The following PCDHA4 variants were observed in gnomAD, a reference collection of about 807,000 sequenced individuals.
PCDHA4 encodes the protein protocadherin alpha-4.
In PCDHA4, 49 loss-of-function variants were observed where a neutral mutation model predicts 61.4. The observed-to-expected ratio is 0.80, with a 90% CI of 0.63 to 1.01. PCDHA4 has a LOEUF of 1.01. Among genes scored for constraint, PCDHA4 ranks in the 50% least tolerant of loss-of-function variants. The probability of loss-of-function intolerance (pLI) is 0.00; values close to 1 mark genes in which losing one functional copy is unlikely to be tolerated. For missense variants in PCDHA4, 1,254 were observed against 1,235.8 expected, an observed-to-expected ratio of 1.01 and a Z score of -0.22; for synonymous variants, 590 against 550.3, an observed-to-expected ratio of 1.07 and a Z score of -1.01.
Position 140,850,049 on chromosome 5 carries a change from C to T in PCDHA4, c.2385+40477C>T, listed in dbSNP as rs1354549642. 22 of 1,596,350 alleles carry T rather than the reference C, an allele frequency of 1.4e-5. 2 individuals carry two copies. Among genetic ancestry groups the T allele is most frequent in the Non-Finnish European group, 1.9e-5 (22 of 1,167,808 alleles). Reference sequence around the variant, plus strand: ...TGCACGCGGAGAGCGGCAAGGTGTACGCGCTGCAGCCGTTGGACCACGAGG... The same window carrying T: ...TGCACGCGGAGAGCGGCAAGGTGTATGCGCTGCAGCCGTTGGACCACGAGG... On this transcript the variant is annotated intron_variant, in intron 1 of 3. Coordinates refer to ENST00000530339, the MANE Select transcript of PCDHA4 (RefSeq NM_018907.4).
chr5:140,902,207 T>C (rs949937318), intron 1 of PCDHA4, among the ~76,000 whole-genome samples: 8 of 148,564 alleles, frequency 5.4e-5, no homozygotes, highest in South Asian at 4.3e-4. Flanking sequence ...CTCTTTCTTT[T>C]TTTTTTTTTT....
At chr5:140,822,521 G>T (rs2150116984) in intron 1 of PCDHA4, 1 of 1,613,938 alleles carries the variant, frequency 6.2e-7, no homozygotes, top group Admixed American at 1.7e-5. Flanking sequence ...TATAATGTCA[G>T]ATTGTTGGAA....
chr5:140,966,341 G>T, intron 1 of PCDHA4: 1 of 396,732 alleles, frequency 2.5e-6, no homozygotes, highest in Non-Finnish European at 4.4e-6. Context: ...CAGGTCCAGG[G>T]TGAAGGAGAT....
chr5:140,989,373 C>G (rs1189877807), intron 3 of PCDHA4, among the ~76,000 whole-genome samples: 1 of 152,088 alleles, frequency 6.6e-6, no homozygotes, highest in Non-Finnish European at 1.5e-5. Flanking sequence ...TGACTGAGAG[C>G]TTTGTGGGAA....
intron 3 of PCDHA4, among the ~76,000 whole-genome samples, chr5:140,989,348 G>A (rs1455202093): frequency 6.6e-6 from 1 of 152,196 alleles, no homozygotes; most frequent in African/African-American, 2.4e-5. Context: ...GCTCAAAGGT[G>A]ATAGGTCACC....
chr5:140,966,970 G>C, intron 1 of PCDHA4: 1 of 1,602,870 alleles, frequency 6.2e-7, no homozygotes, highest in Non-Finnish European at 8.5e-7. Flanking sequence ...TGGGGCTTGA[G>C]CTGCGGCGCT....
intron 3 of PCDHA4, among the ~76,000 whole-genome samples, chr5:140,989,525 GAGGA>G (rs2097345403): frequency 6.6e-6 from 1 of 152,218 alleles, no homozygotes; most frequent in African/African-American, 2.4e-5. Flanking sequence ...GAGGGCAGAG[GAGGA>G]AGATAGTTTG....
At chr5:140,938,699 A>G (rs1418739484) in intron 1 of PCDHA4, among the ~76,000 whole-genome samples, 4 of 152,128 alleles carry the variant, frequency 2.6e-5, no homozygotes, top group African/African-American at 4.8e-5. Context: ...TTTTAAATAT[A>G]TGTTTATGAT....
At chr5:140,890,237 A>G (rs1554184228) in intron 1 of PCDHA4, among the ~76,000 whole-genome samples, 1 of 152,154 alleles carries the variant, frequency 6.6e-6, no homozygotes, top group East Asian at 1.9e-4. Flanking sequence ...TTAAGCATTT[A>G]CCAGTACACT....
In PCDHA4 at chr5:140,886,016, A is replaced by G. The variant is rs192748955; in HGVS notation, c.2385+76444A>G. Among the ~76,000 whole-genome samples the G allele has an allele frequency of 3.1e-3, 468 of 152,290 alleles. 3 individuals are homozygous for G. Among genetic ancestry groups the G allele is most frequent in the Middle Eastern group, 0.014 (4 of 294 alleles). On this transcript the variant is annotated intron_variant, in intron 1 of 3. Transcript: ENST00000530339. ...GAAAGAAATAGTAAAGGGAGATGCTATGTATTCTTCACTAAGTTTTCCCCA... is the reference window on the plus strand; with the variant it reads ...GAAAGAAATAGTAAAGGGAGATGCTGTGTATTCTTCACTAAGTTTTCCCCA...
In PCDHA4 at chr5:140,808,666, G is replaced by T. The variant is rs1409073063; in HGVS notation, c.1479G>T (p.Ser493=). 1.9e-6 allele frequency: 3 copies of T among 1,612,844 alleles called. No homozygotes were observed. Among genetic ancestry groups the T allele is most frequent in the African/African-American group, 1.3e-5 (1 of 74,920 alleles). Residue 493 remains serine, a synonymous_variant, in exon 1 of 4, where the codon TCG becomes TCT. Transcript: ENST00000530339. The stretch of plus-strand genomic sequence containing the variant: ...AGGAGAACGCGCTGGTGTCCTACTC[G>T]CTGGTAGAGCGGCGGGTAGGGGAGC... The part of the protein sequence containing the change: ...DAQENALVSY[S]LVERRVGERA...
At position 140,809,402 on chromosome 5, in the gene PCDHA4, C is replaced by A; in HGVS notation, c.2215C>A (p.Leu739Met). 6.2e-7 allele frequency: 1 copy of A among 1,614,178 alleles called. No individual in the cohort carries two copies. The highest frequency in any genetic ancestry group is 8.5e-7 in the Non-Finnish European group (1 of 1,180,002). Reference sequence around the variant, plus strand: ...CGCGTGCGCTCCGGGCAAGCCCACGCTGGTGTGCTCCAGTGCGGTGGGGAG... The same window carrying A: ...CGCGTGCGCTCCGGGCAAGCCCACGATGGTGTGCTCCAGTGCGGTGGGGAG... ...EGACAPGKPTLVCSSAVGSWS... is the reference protein window; with the variant it reads ...EGACAPGKPTMVCSSAVGSWS... Residue 739 changes from leucine to methionine, a missense_variant, in exon 1 of 4, where the codon CTG (leucine) becomes ATG (methionine). Coordinates refer to ENST00000530339, the MANE Select transcript of PCDHA4 (RefSeq NM_018907.4).
At chr5:140,883,521 T>G in intron 1 of PCDHA4, 1 of 1,614,202 alleles carries the variant, frequency 6.2e-7, no homozygotes, top group Non-Finnish European at 8.5e-7. Flanking sequence ...CGCGAGAGCG[T>G]ATCAGCCTAT....
chr5:140,929,480 G>C, intron 1 of PCDHA4: 1 of 1,195,420 alleles, frequency 8.4e-7, no homozygotes, highest in Non-Finnish European at 1.1e-6. Context: ...TGGAAGTATA[G>C]AAGTATTAGA....
At chr5:140,821,786 C>A in intron 1 of PCDHA4, 1 of 1,611,088 alleles carries the variant, frequency 6.2e-7, no homozygotes, top group Non-Finnish European at 8.5e-7. Flanking sequence ...ATGGTATATT[C>A]CCGGAGAGGA....
At chr5:140,916,755 G>C (rs781862005) in intron 1 of PCDHA4, among the ~76,000 whole-genome samples, 15 of 152,208 alleles carry the variant, frequency 9.9e-5, no homozygotes, top group Admixed American at 2.0e-4. Flanking sequence ...CTGGGATTAG[G>C]GGAGGGGTGG....
intron 1 of PCDHA4, among the ~76,000 whole-genome samples, chr5:140,977,970 A>G (rs531494024): frequency 2.0e-5 from 3 of 152,332 alleles, no homozygotes; most frequent in South Asian, 4.1e-4. Context: ...ATCTCCGCCC[A>G]TGAAAACGCA....
intron 1 of PCDHA4, among the ~76,000 whole-genome samples, chr5:140,897,022 A>G (rs1009125089): frequency 2.6e-5 from 4 of 152,142 alleles, no homozygotes; most frequent in Non-Finnish European, 2.9e-5. Flanking sequence ...CAACTAAATT[A>G]TTTAGACCAT....
At chr5:140,869,857 A>T in intron 1 of PCDHA4, 1 of 1,610,928 alleles carries the variant, frequency 6.2e-7, no homozygotes, top group Non-Finnish European at 8.5e-7. Flanking sequence ...GGTGAGCCTT[A>T]TGGAAAATGC....
Sources: allele counts gnomAD v4.1 joint callset (sites outside exome capture counted in the v4.1 genomes callset), GRCh38; gene constraint gnomAD v4.1.1; transcripts MANE v1.5; gene names NCBI Gene and HGNC (gene_info 2026-07-23, HGNC 2026-07-21).